TNPO1: variants seen among roughly 807,000 people sequenced by gnomAD.
TNPO1 encodes transportin 1.
A neutral mutation model predicts 119.5 loss-of-function variants in TNPO1; 8 were observed. That is an observed-to-expected ratio of 0.07 (90% CI 0.04 to 0.12). TNPO1 has a LOEUF of 0.12. Ranked by LOEUF, TNPO1 falls within the 10% of genes least tolerant of loss-of-function variation. The pLI, the probability that TNPO1 is intolerant of heterozygous loss-of-function variation, is 1.00. For synonymous variants in TNPO1, 362 were observed against 363.0 expected, an observed-to-expected ratio of 1.00 and a Z score of 0.03; for missense variants, 576 against 1,089.8, an observed-to-expected ratio of 0.53 and a Z score of 6.64.
At chr5:72,869,862 C>T (rs1747245603) in intron 6 of TNPO1, among the ~76,000 whole-genome samples, 1 of 152,096 alleles carries the variant, frequency 6.6e-6, no homozygotes, top group South Asian at 2.1e-4. Flanking sequence ...AGTAATTATT[C>T]TGCCTTTGTT....
intron 20 of TNPO1, among the ~76,000 whole-genome samples, chr5:72,899,189 A>G (rs1749646633): frequency 6.6e-6 from 1 of 152,196 alleles, no homozygotes; most frequent in Non-Finnish European, 1.5e-5. Context: ...CAGAAACAGA[A>G]TATTTATTTT....
Position 72,911,190 on chromosome 5 carries a change from T to C in TNPO1, c.*2517T>C, listed in dbSNP as rs186770386. 5.9e-5 allele frequency: 9 copies of C among 152,222 alleles called. No homozygotes were observed. The highest frequency in any genetic ancestry group is 4.6e-4 in the Admixed American group (7 of 15,288). The allele number at this position is 152,222 out of a possible 1,614,324, so 9.4% of individuals were successfully genotyped here. On this transcript the variant is annotated 3_prime_UTR_variant, in exon 25 of 25. Transcript: ENST00000337273. ...CACATAACAATCTTCAGTAAAGTTA[T>C]TTGAACCTGTGGTTGACAATTCTGT...
At position 72,910,242 on chromosome 5, in the gene TNPO1, C is replaced by T. The variant is rs575704505; in HGVS notation, c.*1569C>T. The T allele has an allele frequency of 1.3e-4, 20 of 152,724 alleles. No homozygotes were observed. Among genetic ancestry groups the T allele is most frequent in the African/African-American group, 4.8e-4 (20 of 41,578 alleles). The allele number at this position is 152,724 out of a possible 1,614,324, so 9.5% of individuals were successfully genotyped here. A position where few individuals can be genotyped will look rare whatever the true frequency, so the allele number is the denominator to read the frequency against. Reference sequence around the variant, plus strand: ...CTACAGAGTGAAAGTTGGTTTGGATCCTCTTCATTTCATTTGTTTAGCTTT... The same window carrying T: ...CTACAGAGTGAAAGTTGGTTTGGATTCTCTTCATTTCATTTGTTTAGCTTT... On this transcript the variant is annotated 3_prime_UTR_variant, in exon 25 of 25. Transcript: ENST00000337273.
chr5:72,855,468 G>T (rs1400842227), intron 3 of TNPO1, among the ~76,000 whole-genome samples: 1 of 152,056 alleles, frequency 6.6e-6, no homozygotes, highest in Non-Finnish European at 1.5e-5. Flanking sequence ...ACATTATCTG[G>T]AAACATTTTT....
chr5:72,893,792 A>G lies in TNPO1; in HGVS notation c.2143+89A>G, dbSNP rs1036694795. 33 of 1,178,934 alleles carry G rather than the reference A, an allele frequency of 2.8e-5. No homozygotes were observed. In the African/African-American group the frequency reaches 3.7e-4, roughly 13 times the overall value. 73.0% of individuals were successfully genotyped at this position (1,178,934 alleles called of 1,614,324 possible). A position where few individuals can be genotyped will look rare whatever the true frequency, so the allele number is the denominator to read the frequency against. ...TTTTTTATTATTAAACTGAAATTGCATGGAATCCCAACATTTATAAATGTA... is the reference window on the plus strand; with the variant it reads ...TTTTTTATTATTAAACTGAAATTGCGTGGAATCCCAACATTTATAAATGTA... On this transcript the variant is annotated intron_variant, in intron 18 of 24. Transcript: ENST00000337273.
intron 7 of TNPO1, 83 bp downstream of exon 7, chr5:72,872,803 T>G: frequency 1.4e-6 from 1 of 726,978 alleles, no homozygotes; most frequent in Non-Finnish European, 2.2e-6. Context: ...CATGTAGTTT[T>G]GCTTTAAAAC....
Position 72,877,292 on chromosome 5 carries a change from T to C in TNPO1, c.866T>C (p.Leu289Pro), listed in dbSNP as rs752803063. The C allele has an allele frequency of 6.2e-7, 1 of 1,613,174 alleles. No individual in the cohort carries two copies. Among genetic ancestry groups the C allele is most frequent in the Non-Finnish European group, 8.5e-7 (1 of 1,179,420 alleles). The change falls in exon 9 of 25, where the codon CTA (leucine) becomes CCA (proline). Residue 289 changes from leucine (L) to proline (P), a missense_variant. Physicochemically the swap from Leu to Pro is moderately conservative, Grantham distance 98. Transcript: ENST00000337273. ...NVALEACEFW[L>P]TLAEQPICKD... ...GCTTTAGAAGCCTGTGAATTTTGGC[T>C]AACTTTAGCTGAACAGCCAATATGC...
At chr5:72,852,847 G>A (rs368074305) in intron 3 of TNPO1, among the ~76,000 whole-genome samples, 2 of 152,124 alleles carry the variant, frequency 1.3e-5, no homozygotes, top group Non-Finnish European at 2.9e-5. Context: ...AAGAAACTAA[G>A]AATTATTTCA....
intron 1 of TNPO1, among the ~76,000 whole-genome samples, chr5:72,829,891 A>AC (rs1744373294): frequency 6.6e-6 from 1 of 152,082 alleles, no homozygotes. Context: ...CCATGCAGTT[A>AC]CCCTGGGCTG....
intron 5 of TNPO1, 128 bp from the exon 6 acceptor site, chr5:72,865,468 T>C: frequency 9.5e-7 from 1 of 1,053,556 alleles, no homozygotes; most frequent in Non-Finnish European, 1.3e-6. Context: ...ATTAAATTTA[T>C]GGATTTTAGA....
intron 1 of TNPO1, among the ~76,000 whole-genome samples, chr5:72,830,822 A>T (rs191527749): frequency 6.6e-6 from 1 of 152,106 alleles, no homozygotes; most frequent in Non-Finnish European, 1.5e-5. Context: ...AAATGAATTT[A>T]TGTTTTTTTC....
At chr5:72,847,952 T>G (rs1014108485) in intron 1 of TNPO1, among the ~76,000 whole-genome samples, 2 of 152,258 alleles carry the variant, frequency 1.3e-5, no homozygotes, top group Non-Finnish European at 2.9e-5. Context: ...AACAGATCTC[T>G]TCAGGTGTTT....
At chr5:72,904,381 G>C (rs906639404) in intron 23 of TNPO1, among the ~76,000 whole-genome samples, 3 of 152,214 alleles carry the variant, frequency 2.0e-5, no homozygotes, top group African/African-American at 7.2e-5. Context: ...ATTGCTTAGA[G>C]TATATCTGTT....
At chr5:72,880,893 C>T (rs1319231362) in intron 9 of TNPO1, among the ~76,000 whole-genome samples, 1 of 151,734 alleles carries the variant, frequency 6.6e-6, no homozygotes, top group Non-Finnish European at 1.5e-5. Flanking sequence ...TAGACCTGCT[C>T]AAAAATAAGA....
intron 1 of TNPO1, among the ~76,000 whole-genome samples, chr5:72,817,389 G>T (rs1743746752): frequency 2.0e-5 from 3 of 152,192 alleles, no homozygotes; most frequent in Admixed American, 6.5e-5. Flanking sequence ...CCACTCCCAT[G>T]CGTACAAGCA....
intron 6 of TNPO1, among the ~76,000 whole-genome samples, chr5:72,868,380 T>C (rs1056219976): frequency 4.0e-5 from 5 of 124,252 alleles, no homozygotes; most frequent in Non-Finnish European, 7.8e-5. Context: ...TGCAGTGAGC[T>C]GAGATTGTGC....
intron 24 of TNPO1, among the ~76,000 whole-genome samples, chr5:72,907,131 C>T (rs1750229205): frequency 6.6e-6 from 1 of 152,042 alleles, no homozygotes; most frequent in African/African-American, 2.4e-5. Context: ...ATGTGTTGTC[C>T]TACTTCAGTC....
chr5:72,899,788 T>C (rs1749685385), intron 20 of TNPO1, among the ~76,000 whole-genome samples: 1 of 152,218 alleles, frequency 6.6e-6, no homozygotes, highest in South Asian at 2.1e-4. Flanking sequence ...TTTGTTTTTC[T>C]TTTTCCAAGA....
rs1420270030 is a variant in TNPO1 at position 72,888,159 on chromosome 5, T to C, written c.1385T>C (p.Val462Ala). 1 of 1,614,212 alleles carries C rather than the reference T, an allele frequency of 6.2e-7. No homozygotes were observed. The highest frequency in any genetic ancestry group is 1.1e-5 in the South Asian group (1 of 91,082). ...IQCLSDKKAL[V>A]RSITCWTLSR... The stretch of plus-strand genomic sequence containing the variant: ...TGCCTCTCTGATAAAAAGGCTCTTG[T>C]GCGTTCCATAACATGCTGGACTCTT... Residue 462 changes from valine (V) to alanine (A), a missense_variant, in exon 13 of 25, where the codon GTG (valine) becomes GCG (alanine). Val to Ala is a moderately conservative substitution (Grantham distance 64). This residue lies in a region of TNPO1 where 310 missense variants were observed against 583.0 expected (regional missense o/e 0.53). Transcript: ENST00000337273.
Sources: gnomAD v4.1 joint callset for allele counts (sites outside exome capture counted in the v4.1 genomes callset) on GRCh38, gnomAD v4.1.1 for gene constraint, gnomAD v4.1.1 regional missense constraint, MANE v1.5 for transcripts, NCBI Gene and HGNC (gene_info 2026-07-23, HGNC 2026-07-21) for gene names.